LRRC7: variants seen among roughly 807,000 people sequenced by gnomAD.
LRRC7 encodes leucine rich repeat containing 7.
In LRRC7, 23 loss-of-function variants were observed where a neutral mutation model predicts 175.7. The observed-to-expected ratio is 0.13, with a 90% CI of 0.09 to 0.19. The LOEUF (loss-of-function observed/expected upper bound fraction) is 0.19. LRRC7 is among the 10% of genes least tolerant of loss of function. The probability of loss-of-function intolerance (pLI) is 1.00; values close to 1 mark genes in which losing one functional copy is unlikely to be tolerated. For synonymous variants in LRRC7, 685 were observed against 680.9 expected, an observed-to-expected ratio of 1.01 and a Z score of -0.09; for missense variants, 1,354 against 1,904.7, an observed-to-expected ratio of 0.71 and a Z score of 5.38.
At chr1:69,811,645 T>C (rs1025693460) in intron 4 of LRRC7, among the ~76,000 whole-genome samples, 3 of 152,100 alleles carry the variant, frequency 2.0e-5, no homozygotes, top group African/African-American at 7.2e-5. Context: ...CTGGAAACCA[T>C]CATTCTCAGC....
intron 7 of LRRC7, among the ~76,000 whole-genome samples, chr1:69,896,654 C>T (rs1645988365): frequency 6.6e-6 from 1 of 152,102 alleles, no homozygotes. Context: ...TCATAAACTC[C>T]CAGTATCCTC....
intron 2 of LRRC7, among the ~76,000 whole-genome samples, chr1:69,705,322 A>G (rs1247956613): frequency 2.0e-5 from 3 of 152,282 alleles, no homozygotes; most frequent in African/African-American, 7.2e-5. Context: ...GGACACTGGT[A>G]GAAGCACAGC....
intron 2 of LRRC7, among the ~76,000 whole-genome samples, chr1:69,697,424 C>T (rs1662749069): frequency 6.6e-6 from 1 of 152,178 alleles, no homozygotes; most frequent in South Asian, 2.1e-4. Context: ...TAAGCACTTG[C>T]AACTACTTTT....
chr1:69,694,171 A>T (rs754664298), intron 2 of LRRC7, among the ~76,000 whole-genome samples: 1 of 152,106 alleles, frequency 6.6e-6, no homozygotes, highest in Non-Finnish European at 1.5e-5. Flanking sequence ...ATCTTGCTGC[A>T]TTTCCCCTAA....
intron 24 of LRRC7, among the ~76,000 whole-genome samples, chr1:70,079,531 A>C (rs1401217714): frequency 6.6e-6 from 1 of 152,264 alleles, no homozygotes; most frequent in African/African-American, 2.4e-5. Context: ...ACTTTAGTTA[A>C]ACAGTAGTCA....
chr1:69,833,597 A>C (rs1400693359), intron 5 of LRRC7, among the ~76,000 whole-genome samples: 2 of 152,130 alleles, frequency 1.3e-5, no homozygotes, highest in African/African-American at 2.4e-5. Context: ...TATTGGACAT[A>C]GGAAGATAAA....
intron 1 of LRRC7, among the ~76,000 whole-genome samples, chr1:69,593,313 C>T (rs997239739): frequency 2.6e-5 from 4 of 152,020 alleles, no homozygotes; most frequent in Non-Finnish European, 5.9e-5. Context: ...AGAATCCAAA[C>T]GTATTTAGTA....
At chr1:69,755,500 A>G (rs1670317867) in intron 2 of LRRC7, among the ~76,000 whole-genome samples, 1 of 150,066 alleles carries the variant, frequency 6.7e-6, no homozygotes, top group Admixed American at 6.7e-5. Context: ...AGAAAGATGT[A>G]TATATATTTA....
chr1:69,782,275 G>A lies in LRRC7; in HGVS notation c.304-9768G>A, dbSNP rs574585370. ...TTACTGAGAAGGTACAATGTGCCAA[G>A]CATTGTGTTCCACACTTTCCGTACT... is the stretch of plus-strand genomic sequence containing the variant. On this transcript the variant is annotated intron_variant, in intron 3 of 26. Coordinates refer to ENST00000651989, the MANE Select transcript of LRRC7 (RefSeq NM_001370785.2). Among the ~76,000 whole-genome samples, 6 of 152,338 alleles carry A rather than the reference G, an allele frequency of 3.9e-5. No homozygotes were observed. The South Asian group carries it at 1.0e-3, about 26-fold the overall frequency.
chr1:69,908,436 G>A (rs561644328), intron 7 of LRRC7, among the ~76,000 whole-genome samples: 2 of 152,114 alleles, frequency 1.3e-5, no homozygotes, highest in South Asian at 4.2e-4. Flanking sequence ...TGCTTTGAAT[G>A]TGTCCCAGAG....
intron 11 of LRRC7, among the ~76,000 whole-genome samples, chr1:70,010,111 T>G (rs1327884): frequency 0.17 from 25,978 of 152,052 alleles, 3,698 homozygotes; most frequent in African/African-American, 0.4. Flanking sequence ...AGCTGTGGTG[T>G]TCTGTATTTA....
intron 2 of LRRC7, among the ~76,000 whole-genome samples, chr1:69,711,567 G>A (rs752791756): frequency 2.0e-5 from 3 of 152,146 alleles, no homozygotes; most frequent in Non-Finnish European, 4.4e-5. Context: ...GATTCAAAAG[G>A]TTAATTTTAA....
chr1:69,635,400 A>C (rs2100400096), intron 1 of LRRC7, among the ~76,000 whole-genome samples: 1 of 152,200 alleles, frequency 6.6e-6, no homozygotes. Flanking sequence ...TTATGGCAGG[A>C]ATAATTTTGG....
chr1:69,643,688 G>T (rs907888746), intron 1 of LRRC7, among the ~76,000 whole-genome samples: 1 of 151,916 alleles, frequency 6.6e-6, no homozygotes, highest in African/African-American at 2.4e-5. Flanking sequence ...CAACTTCTTT[G>T]CTCTCTTTAC....
chr1:69,709,827 A>G (rs540068594), intron 2 of LRRC7, among the ~76,000 whole-genome samples: 3 of 152,316 alleles, frequency 2.0e-5, no homozygotes, highest in Admixed American at 1.3e-4. Context: ...TGATTTATGC[A>G]ACTATGTGTG....
In LRRC7 at chr1:70,130,904, C is replaced by T. The variant is rs965695951; in HGVS notation, c.*9017C>T. Among the ~76,000 whole-genome samples, 3 of 152,228 alleles carry T rather than the reference C, an allele frequency of 2.0e-5. No individual in the cohort carries two copies. The highest frequency in any genetic ancestry group is 1.9e-4 in the East Asian group (1 of 5,178). Reference sequence around the variant, plus strand: ...AATCAAACTGCTGCCAAATGCTGCCCGTCCTTTAAGTAGATAAAAGAATAG... The same window carrying T: ...AATCAAACTGCTGCCAAATGCTGCCTGTCCTTTAAGTAGATAAAAGAATAG... On this transcript the variant is annotated 3_prime_UTR_variant, in exon 27 of 27. Coordinates refer to ENST00000651989, the MANE Select transcript of LRRC7 (RefSeq NM_001370785.2).
chr1:70,111,729 C>T (rs1286261111), intron 26 of LRRC7, among the ~76,000 whole-genome samples: 1 of 152,114 alleles, frequency 6.6e-6, no homozygotes, highest in Non-Finnish European at 1.5e-5. Flanking sequence ...TGATAGTTAA[C>T]AACAGATTCA....
chr1:70,022,043 T>C (rs1484104453), intron 16 of LRRC7, among the ~76,000 whole-genome samples: 1 of 152,180 alleles, frequency 6.6e-6, no homozygotes, highest in Non-Finnish European at 1.5e-5. Flanking sequence ...CTAAACTTTA[T>C]TTCTTAAATC....
At chr1:69,953,116 G>A (rs1375295666) in intron 8 of LRRC7, among the ~76,000 whole-genome samples, 5 of 151,804 alleles carry the variant, frequency 3.3e-5, no homozygotes, top group Admixed American at 3.3e-4. Flanking sequence ...CCTTTCTGGA[G>A]TGTTTCCTTA....
Sources: gnomAD v4.1 joint callset for allele counts (sites outside exome capture counted in the v4.1 genomes callset) on GRCh38, gnomAD v4.1.1 for gene constraint, MANE v1.5 for transcripts, NCBI Gene and HGNC (gene_info 2026-07-23, HGNC 2026-07-21) for gene names.